The following THSD7B variants were observed in gnomAD, a reference collection of about 807,000 sequenced individuals.
The protein encoded by THSD7B is thrombospondin type-1 domain-containing protein 7B.
THSD7B carries 138 observed loss-of-function variants against 213.6 expected under a neutral mutation model. That is an observed-to-expected ratio of 0.65 (90% CI 0.56 to 0.74). The LOEUF is 0.74. Among genes scored for constraint, THSD7B ranks in the 30% least tolerant of loss-of-function variants. The pLI is 0.00. For missense variants in THSD7B, 1,931 were observed against 1,991.5 expected, an observed-to-expected ratio of 0.97 and a Z score of 0.58; for synonymous variants, 742 against 687.0, an observed-to-expected ratio of 1.08 and a Z score of -1.25.
At chr2:137,184,177 A>G (rs1007970315) in intron 7 of THSD7B, among the ~76,000 whole-genome samples, 5 of 152,062 alleles carry the variant, frequency 3.3e-5, no homozygotes, top group Non-Finnish European at 7.4e-5. Context: ...CATCTTCAGG[A>G]GAGAAGGGAC....
intron 1 of THSD7B, among the ~76,000 whole-genome samples, chr2:136,871,125 C>T (rs1025196018): frequency 7.9e-5 from 12 of 152,114 alleles, no homozygotes; most frequent in African/African-American, 1.7e-4. Context: ...GTGACACTGT[C>T]GGGGAGATCC....
intron 10 of THSD7B, 101 bp from the exon 11 acceptor site, chr2:137,272,432 G>A (rs1012725002): frequency 9.6e-6 from 12 of 1,244,506 alleles, no homozygotes; most frequent in African/African-American, 1.5e-5. Flanking sequence ...TTCCACATGT[G>A]CTTACTTTAT....
At position 137,677,078 on chromosome 2, in the gene THSD7B, T is replaced by TAAAG. The variant is rs912862850; in HGVS notation, c.*475_*478dup. On this transcript the variant is annotated 3_prime_UTR_variant, in exon 28 of 28. Coordinates refer to ENST00000409968, the MANE Select transcript of THSD7B (RefSeq NM_001316349.2). ...GAGTTTTCTAGAGTTTACTTTGGTTTAAAGACTTTCAAATTGGATTGCCTA... is the reference window on the plus strand; with the variant it reads ...GAGTTTTCTAGAGTTTACTTTGGTTTAAAGAAAGACTTTCAAATTGGATTGCCTA... 2 of 152,936 alleles carry TAAAG rather than the reference T, an allele frequency of 1.3e-5. No individual in the cohort carries two copies. Among genetic ancestry groups the TAAAG allele is most frequent in the African/African-American group, 2.4e-5 (1 of 41,596 alleles). 9.5% of individuals were successfully genotyped at this position (152,936 alleles called of 1,614,324 possible). A position where few individuals can be genotyped will look rare whatever the true frequency, so the allele number is the denominator to read the frequency against.
At chr2:137,191,010 G>A (rs1369807235) in intron 7 of THSD7B, among the ~76,000 whole-genome samples, 1 of 152,154 alleles carries the variant, frequency 6.6e-6, no homozygotes, top group Admixed American at 6.5e-5. Context: ...GCTGACAGGC[G>A]ATCACCCAAG....
chr2:136,898,882 C>T (rs990134764), intron 2 of THSD7B, among the ~76,000 whole-genome samples: 2 of 151,998 alleles, frequency 1.3e-5, no homozygotes, highest in African/African-American at 4.8e-5. Flanking sequence ...ACCTCGTGAT[C>T]TGCCCACCTC....
At chr2:137,483,584 AT>A (rs1688356037) in intron 15 of THSD7B, among the ~76,000 whole-genome samples, 1 of 152,116 alleles carries the variant, frequency 6.6e-6, no homozygotes, top group Admixed American at 6.5e-5. Context: ...TATTTATTTT[AT>A]TTTATTTTAT....
chr2:137,287,037 G>A (rs12328858), intron 12 of THSD7B, among the ~76,000 whole-genome samples: 65,068 of 151,918 alleles, frequency 0.43, 14,024 homozygotes, highest in South Asian at 0.57. Context: ...ATAGTTTTTA[G>A]TAACTGTGTT....
intron 2 of THSD7B, among the ~76,000 whole-genome samples, chr2:137,010,519 T>C (rs1481534327): frequency 1.3e-5 from 2 of 152,228 alleles, no homozygotes; most frequent in East Asian, 1.9e-4. Context: ...CACTTGGTTG[T>C]AGTTATCGTT....
intron 1 of THSD7B, among the ~76,000 whole-genome samples, chr2:136,854,143 A>G (rs1434839262): frequency 6.6e-6 from 1 of 152,094 alleles, no homozygotes; most frequent in East Asian, 1.9e-4. Flanking sequence ...TGGTAGTGAA[A>G]TGTCATTGCT....
chr2:137,020,302 G>A (rs758796339), intron 2 of THSD7B, among the ~76,000 whole-genome samples: 12 of 152,138 alleles, frequency 7.9e-5, no homozygotes, highest in African/African-American at 2.9e-4. Context: ...AATGGAGCAC[G>A]GTGGCACATA....
chr2:137,043,957 G>T (rs1651738810), intron 2 of THSD7B, among the ~76,000 whole-genome samples: 1 of 152,146 alleles, frequency 6.6e-6, no homozygotes, highest in Non-Finnish European at 1.5e-5. Context: ...TTCTGACCTA[G>T]ACTGTACCCT....
intron 14 of THSD7B, among the ~76,000 whole-genome samples, chr2:137,429,777 G>A (rs1687135109): frequency 6.6e-6 from 1 of 152,136 alleles, no homozygotes; most frequent in South Asian, 2.1e-4. Flanking sequence ...AGAAGACTAG[G>A]TTAGAAATGT....
At chr2:137,309,228 T>C in intron 12 of THSD7B, among the ~76,000 whole-genome samples, 1 of 152,038 alleles carries the variant, frequency 6.6e-6, no homozygotes, top group East Asian at 1.9e-4. Flanking sequence ...TTGAATTTCT[T>C]TGATTGCTAT....
At chr2:137,418,566 C>G (rs1379329578) in intron 14 of THSD7B, among the ~76,000 whole-genome samples, 2 of 152,178 alleles carry the variant, frequency 1.3e-5, no homozygotes, top group Non-Finnish European at 2.9e-5. Flanking sequence ...AATTACTCTT[C>G]TAGATATTTT....
chr2:137,016,332 T>G (rs1686339358), intron 2 of THSD7B, among the ~76,000 whole-genome samples: 1 of 152,142 alleles, frequency 6.6e-6, no homozygotes, highest in African/African-American at 2.4e-5. Flanking sequence ...TCTTGAGAGC[T>G]TTGCTAACCT....
In THSD7B at chr2:137,405,077, T is replaced by A. The variant is rs189666874; in HGVS notation, c.2501-536T>A. 2.6e-5 allele frequency among the ~76,000 whole-genome samples: 4 copies of A among 151,078 alleles called. No homozygotes were observed. The East Asian group carries it at 5.9e-4, about 22-fold the overall frequency. On this transcript the variant is annotated intron_variant, in intron 12 of 27. Coordinates refer to ENST00000409968, the MANE Select transcript of THSD7B (RefSeq NM_001316349.2). ...GACTATGCTTGTGCTTGAAAAAAAA[T>A]AAAAATTTTAACTGGTCCCTAAAAA...
intron 17 of THSD7B, among the ~76,000 whole-genome samples, chr2:137,613,325 C>T (rs1682321792): frequency 6.6e-6 from 1 of 152,160 alleles, no homozygotes; most frequent in Non-Finnish European, 1.5e-5. Flanking sequence ...GGCTTCATTA[C>T]TCTTTGACAA....
At chr2:137,202,434 G>A (rs1680897132) in intron 7 of THSD7B, among the ~76,000 whole-genome samples, 1 of 152,154 alleles carries the variant, frequency 6.6e-6, no homozygotes, top group African/African-American at 2.4e-5. Context: ...AGACACAGAG[G>A]AGATGGCGAG....
chr2:137,411,997 C>A, intron 14 of THSD7B, 125 bp downstream of exon 14: 1 of 1,080,540 alleles, frequency 9.3e-7, no homozygotes, highest in Non-Finnish European at 1.3e-6. Flanking sequence ...GTCAATAACA[C>A]ATTGTCTCTC....
Sources: gnomAD v4.1 joint callset for allele counts (sites outside exome capture counted in the v4.1 genomes callset) on GRCh38, gnomAD v4.1.1 for gene constraint, MANE v1.5 for transcripts, NCBI Gene and HGNC (gene_info 2026-07-23, HGNC 2026-07-21) for gene names.